SGCD: variants seen among roughly 807,000 people sequenced by gnomAD.
The protein encoded by SGCD is sarcoglycan delta.
SGCD carries 18 observed loss-of-function variants against 36.6 expected under a neutral mutation model. The ratio of observed to expected loss-of-function variants is 0.49; its 90% CI spans 0.34 to 0.73. The LOEUF is 0.73. Ranked by LOEUF, SGCD falls within the 30% of genes least tolerant of loss-of-function variation. SGCD has a pLI of 0.01. For synonymous variants in SGCD, 133 were observed against 130.6 expected, an observed-to-expected ratio of 1.02 and a Z score of -0.12; for missense variants, 387 against 346.7, an observed-to-expected ratio of 1.12 and a Z score of -0.92.
rs942473475 is a variant in SGCD, at chr5:156,069,015, G to A, written c.-281-48863G>A. On this transcript the variant is annotated intron_variant, in intron 1 of 9. Coordinates refer to the SGCD transcript ENST00000517913. ...TTTGTTTGAGTTCATTGTAGATTCT[G>A]GATATTAGCCCTTTGTCAGATGAGT... is the stretch of plus-strand genomic sequence containing the variant. 2.8e-3 allele frequency among the ~76,000 whole-genome samples: 420 copies of A among 152,138 alleles called. 6 individuals are homozygous for A. The highest frequency in any genetic ancestry group is 9.6e-3 in the African/African-American group (400 of 41,478).
intron 3 of SGCD, among the ~76,000 whole-genome samples, chr5:156,302,880 C>T (rs1580927): frequency 0.32 from 48,629 of 152,104 alleles, 8,319 homozygotes; most frequent in Middle Eastern, 0.52. Flanking sequence ...ACAAGCACCA[C>T]TGTGGCCACC....
chr5:156,444,552 G>A (rs1250640066), intron 3 of SGCD, among the ~76,000 whole-genome samples: 1 of 151,972 alleles, frequency 6.6e-6, no homozygotes, highest in Non-Finnish European at 1.5e-5. Context: ...TACCTGAAAA[G>A]GTTGACATTC....
intron 1 of SGCD, among the ~76,000 whole-genome samples, chr5:155,920,649 G>A (rs1250037508): frequency 6.6e-6 from 1 of 152,192 alleles, no homozygotes; most frequent in East Asian, 1.9e-4. Flanking sequence ...TCCGAAATTT[G>A]AGGCTCTTGC....
intron 3 of SGCD, among the ~76,000 whole-genome samples, chr5:156,501,515 C>A (rs951619216): frequency 1.6e-4 from 24 of 152,146 alleles, no homozygotes; most frequent in African/African-American, 4.1e-4. Flanking sequence ...AACAACTAAC[C>A]AATCTGGGCC....
chr5:155,947,644 C>T (rs1474460646), intron 1 of SGCD, among the ~76,000 whole-genome samples: 3 of 151,994 alleles, frequency 2.0e-5, no homozygotes, highest in African/African-American at 4.8e-5. Flanking sequence ...GGGAGAGAAA[C>T]ATCCTAAAGA....
chr5:156,087,161 G>C (rs900878009), intron 1 of SGCD, among the ~76,000 whole-genome samples: 3 of 152,194 alleles, frequency 2.0e-5, no homozygotes, highest in African/African-American at 4.8e-5. Flanking sequence ...TTTCCACCAG[G>C]ATGGTCCTGA....
intron 3 of SGCD, among the ~76,000 whole-genome samples, chr5:156,252,512 A>C (rs1765608035): frequency 6.6e-6 from 1 of 152,192 alleles, no homozygotes; most frequent in Non-Finnish European, 1.5e-5. Context: ...TTATAGGTTT[A>C]ATTGTCAAGA....
intron 4 of SGCD, among the ~76,000 whole-genome samples, chr5:156,532,391 C>T (rs1374820260): frequency 6.6e-6 from 1 of 152,116 alleles, no homozygotes; most frequent in African/African-American, 2.4e-5. Flanking sequence ...AATCCAAATA[C>T]CATGTGATTA....
chr5:156,046,203 T>A (rs1759761595), intron 1 of SGCD, among the ~76,000 whole-genome samples: 1 of 152,114 alleles, frequency 6.6e-6, no homozygotes, highest in African/African-American at 2.4e-5. Context: ...TATATTAGAC[T>A]AGAATTAATG....
chr5:155,914,624 T>C (rs1324841660), intron 1 of SGCD, among the ~76,000 whole-genome samples: 1 of 152,214 alleles, frequency 6.6e-6, no homozygotes, highest in Non-Finnish European at 1.5e-5. Flanking sequence ...CCTTTATGTA[T>C]AATAAACAAT....
chr5:156,644,516 A>G (rs957670333), intron 6 of SGCD, among the ~76,000 whole-genome samples: 2 of 149,872 alleles, frequency 1.3e-5, no homozygotes, highest in African/African-American at 4.9e-5. Context: ...TATTAAATGC[A>G]GTTTAAATTG....
chr5:156,693,547 G>A (rs887976452), intron 7 of SGCD, among the ~76,000 whole-genome samples: 9 of 152,100 alleles, frequency 5.9e-5, no homozygotes, highest in African/African-American at 2.2e-4. Context: ...GAATATTAGG[G>A]TGCAGATACC....
At chr5:156,533,514 G>C (rs1581128340) in intron 4 of SGCD, among the ~76,000 whole-genome samples, 1 of 152,110 alleles carries the variant, frequency 6.6e-6, no homozygotes, top group East Asian at 1.9e-4. Flanking sequence ...TGTTCTACTG[G>C]TTTCTCAGAG....
At chr5:156,408,557 C>T (rs1228825891) in intron 3 of SGCD, among the ~76,000 whole-genome samples, 1 of 152,120 alleles carries the variant, frequency 6.6e-6, no homozygotes, top group Non-Finnish European at 1.5e-5. Flanking sequence ...CGGGATTTCA[C>T]CAAGTTGGCC....
intron 2 of SGCD, among the ~76,000 whole-genome samples, chr5:156,342,391 G>A (rs1441633285): frequency 6.6e-6 from 1 of 152,144 alleles, no homozygotes; most frequent in East Asian, 1.9e-4. Context: ...CCCTGCACAA[G>A]CAGGTTAACT....
intron 7 of SGCD, among the ~76,000 whole-genome samples, chr5:156,649,456 C>T (rs1489174692): frequency 3.3e-5 from 5 of 152,158 alleles, no homozygotes; most frequent in Admixed American, 3.3e-4. Context: ...GACTTGGAAC[C>T]AAGCCAAATG....
chr5:155,747,131 A>T, the SGCD span, among the ~76,000 whole-genome samples: 11,069 of 152,278 alleles, frequency 0.073, 485 homozygotes, highest in African/African-American at 0.11. Context: ...GAATTTTGAT[A>T]AAAACAATAC....
At chr5:156,355,821 G>A (rs1484319407) in intron 3 of SGCD, among the ~76,000 whole-genome samples, 1 of 152,174 alleles carries the variant, frequency 6.6e-6, no homozygotes, top group Non-Finnish European at 1.5e-5. Flanking sequence ...ATTTTTAATA[G>A]GGATGGGGTT....
At chr5:156,574,988 G>A (rs1026982191) in intron 4 of SGCD, among the ~76,000 whole-genome samples, 6 of 152,188 alleles carry the variant, frequency 3.9e-5, no homozygotes, top group African/African-American at 1.4e-4. Context: ...ACAAAGCCCA[G>A]ACTTGTGCTC....
Sources: gnomAD v4.1 joint callset for allele counts (sites outside exome capture counted in the v4.1 genomes callset) on GRCh38, gnomAD v4.1.1 for gene constraint, MANE v1.5 for transcripts, NCBI Gene and HGNC (gene_info 2026-07-23, HGNC 2026-07-21) for gene names.